Variants in RABGAP1 observed in about 807,000 individuals in gnomAD.
RABGAP1 encodes the protein rab GTPase-activating protein 1.
In RABGAP1, 23 loss-of-function variants were observed where a neutral mutation model predicts 137.6. The ratio of observed to expected loss-of-function variants is 0.17; its 90% CI spans 0.12 to 0.24. The LOEUF (loss-of-function observed/expected upper bound fraction) is 0.24. Ranked by LOEUF, RABGAP1 falls within the 10% of genes least tolerant of loss-of-function variation. RABGAP1 has a pLI of 1.00. For synonymous variants in RABGAP1, 451 were observed against 450.7 expected (o/e 1.00, Z -0.01); for missense variants, 906 against 1,275.8 (o/e 0.71, Z 4.42).
intron 25 of RABGAP1, among the ~76,000 whole-genome samples, chr9:123,102,708 G>A (rs1588421186): frequency 6.6e-6 from 1 of 152,244 alleles, no homozygotes; most frequent in African/African-American, 2.4e-5. Context: ...GTGGTGCTAA[G>A]GCTGGAAGAG....
chr9:123,091,744 A>AT (rs925079931), intron 21 of RABGAP1, among the ~76,000 whole-genome samples: 24 of 152,080 alleles, frequency 1.6e-4, no homozygotes, highest in Admixed American at 5.9e-4. Context: ...TGCAGGGAGA[A>AT]TGTTTCAAGG....
intron 1 of RABGAP1, among the ~76,000 whole-genome samples, chr9:122,955,005 T>C (rs1834434292): frequency 1.3e-5 from 2 of 152,276 alleles, no homozygotes; most frequent in Admixed American, 1.3e-4. Flanking sequence ...TAGGAACAGA[T>C]ATAAGGGCAA....
At chr9:122,993,444 G>A (rs1286753436) in intron 6 of RABGAP1, among the ~76,000 whole-genome samples, 1 of 152,024 alleles carries the variant, frequency 6.6e-6, no homozygotes, top group Non-Finnish European at 1.5e-5. Context: ...GCTACTTTTT[G>A]TACTTTTAGT....
chr9:123,075,495 A>C (rs1280224294), intron 17 of RABGAP1, among the ~76,000 whole-genome samples: 1 of 152,210 alleles, frequency 6.6e-6, no homozygotes, highest in East Asian at 1.9e-4. Flanking sequence ...AAACAGAAGA[A>C]ATAAATATTA....
chr9:122,986,837 G>A (rs1442451172), intron 4 of RABGAP1, among the ~76,000 whole-genome samples: 1 of 152,058 alleles, frequency 6.6e-6, no homozygotes, highest in Non-Finnish European at 1.5e-5. Context: ...TTTTTATGAT[G>A]AGAAAACTGG....
rs937151632 is a variant in RABGAP1 at position 123,103,717 on chromosome 9, T to C, written c.*504T>C. ...CAGCAGAAGGTCCCCCAGGTAGACATGGAGAAGCACTTTGTTTTAAATAGG... is the reference window on the plus strand; with the variant it reads ...CAGCAGAAGGTCCCCCAGGTAGACACGGAGAAGCACTTTGTTTTAAATAGG... On this transcript the variant is annotated 3_prime_UTR_variant, in exon 26 of 26. Coordinates refer to ENST00000373647, the MANE Select transcript of RABGAP1 (RefSeq NM_012197.4). 1.4e-5 allele frequency: 2 copies of C among 145,634 alleles called. No homozygotes were observed. The highest frequency in any genetic ancestry group is 2.5e-5 in the African/African-American group (1 of 39,850). The allele number at this position is 145,634 out of a possible 1,614,324, so 9.0% of individuals were successfully genotyped here. A position where few individuals can be genotyped will look rare whatever the true frequency, so the allele number is the denominator to read the frequency against.
intron 2 of RABGAP1, among the ~76,000 whole-genome samples, chr9:122,972,968 C>T (rs1311387949): frequency 1.5e-4 from 10 of 68,822 alleles, no homozygotes; most frequent in African/African-American, 5.2e-4. Flanking sequence ...GAGCCTATCT[C>T]TTTATATATT....
chr9:122,944,825 C>T (rs1358511240), intron 1 of RABGAP1, among the ~76,000 whole-genome samples: 1 of 151,972 alleles, frequency 6.6e-6, no homozygotes, highest in Non-Finnish European at 1.5e-5. Flanking sequence ...AATCCACCTG[C>T]CTCGGCCTCC....
intron 19 of RABGAP1, among the ~76,000 whole-genome samples, chr9:123,085,712 TC>T: frequency 1.3e-5 from 2 of 152,330 alleles, no homozygotes; most frequent in South Asian, 4.1e-4. Flanking sequence ...GTCTTGGACT[TC>T]TAAGTCTCTG....
At chr9:123,076,589 T>C (rs766204638) in intron 18 of RABGAP1, 45 bp from the exon 19 acceptor site, 3 of 1,560,440 alleles carry the variant, frequency 1.9e-6, no homozygotes, top group East Asian at 4.7e-5. Flanking sequence ...TTGTGCATCC[T>C]TATAGCAACA....
chr9:122,990,263 A>T (rs930126838), intron 6 of RABGAP1, 50 bp downstream of exon 6: 1 of 1,466,278 alleles, frequency 6.8e-7, no homozygotes. Context: ...GTTCAGGGGA[A>T]ATTCTAGGTC....
intron 12 of RABGAP1, 55 bp from the exon 13 acceptor site, chr9:123,020,254 C>G: frequency 4.5e-6 from 6 of 1,340,290 alleles, no homozygotes; most frequent in Non-Finnish European, 5.9e-6. Flanking sequence ...AAGTAACATT[C>G]TTTAGAGAAT....
chr9:123,056,328 G>C (rs948481564), intron 13 of RABGAP1, among the ~76,000 whole-genome samples: 4 of 152,192 alleles, frequency 2.6e-5, no homozygotes, highest in African/African-American at 9.7e-5. Context: ...ACTAGAAGGA[G>C]CATAGGACAA....
In RABGAP1 at chr9:123,101,585, A is replaced by G. The variant is rs544670759; in HGVS notation, c.2909A>G (p.Glu970Gly). 1.2e-6 allele frequency: 2 copies of G among 1,614,012 alleles called. No homozygotes were observed. The highest frequency in any genetic ancestry group is 1.1e-5 in the South Asian group (1 of 91,048). Residue 970 changes from glutamate (E) to glycine (G), a missense_variant, in exon 25 of 26, where the codon GAG (glutamate) becomes GGG (glycine). Physicochemically the swap from Glu to Gly is moderately conservative, Grantham distance 98. Around this residue, in one of 9 missense-constraint regions of RABGAP1, gnomAD observed 193 missense variants for 248.1 expected, o/e 0.78. Coordinates refer to ENST00000373647, the MANE Select transcript of RABGAP1 (RefSeq NM_012197.4). ...EKIRQKVDDC[E>G]RCREFFNKEG... ...TTTCAGCAAAAAGTGGATGACTGTGAGCGGTGCCGGGAATTTTTCAACAAA... is the reference window on the plus strand; with the variant it reads ...TTTCAGCAAAAAGTGGATGACTGTGGGCGGTGCCGGGAATTTTTCAACAAA...
At chr9:122,932,849 C>A in the RABGAP1 span, among the ~76,000 whole-genome samples, 1 of 152,118 alleles carries the variant, frequency 6.6e-6, no homozygotes, top group African/African-American at 2.4e-5. Flanking sequence ...CTTCTTTGAC[C>A]CAGTTGTTAA....
At chr9:123,042,155 C>T (rs567364901) in intron 13 of RABGAP1, among the ~76,000 whole-genome samples, 2 of 152,202 alleles carry the variant, frequency 1.3e-5, no homozygotes, top group Non-Finnish European at 2.9e-5. Context: ...ACTACACTCT[C>T]AGAATGTTCT....
rs764549147 is a variant in RABGAP1, at chr9:123,010,478, G to C, written c.1499G>C (p.Gly500Ala). 5 of 1,613,994 alleles carry C rather than the reference G, an allele frequency of 3.1e-6. No homozygotes were observed. The highest frequency in any genetic ancestry group is 4.2e-6 in the Non-Finnish European group (5 of 1,179,878). ...ASPSVRLPQS[G>A]SQSSVIPSPP... is the part of the protein sequence containing the mutation. ...CCTTCAGTTCGCCTGCCACAGTCTG[G>C]ATCGCAAAGTTCAGTGATACCTTCT... The change falls in exon 11 of 26, where the codon GGA (glycine) becomes GCA (alanine). Residue 500 changes from glycine to alanine, a missense_variant. Coordinates refer to ENST00000373647, the MANE Select transcript of RABGAP1 (RefSeq NM_012197.4).
Position 122,984,633 on chromosome 9 carries a change from T to C in RABGAP1, c.299T>C (p.Leu100Pro), listed in dbSNP as rs776893630. The C allele has an allele frequency of 5.6e-6, 9 of 1,613,990 alleles. No homozygotes were observed. The highest frequency in any genetic ancestry group is 1.3e-5 in the African/African-American group (1 of 74,900). Reference sequence around the variant, plus strand: ...GGAGATGGGCCTCTTTCTAATCAGCTCTCCGCTTCATCCACCATTAACCCT... The same window carrying C: ...GGAGATGGGCCTCTTTCTAATCAGCCCTCCGCTTCATCCACCATTAACCCT... ...GEGDGPLSNQ[L>P]SASSTINPVP... The change falls in exon 3 of 26, where the codon CTC (leucine) becomes CCC (proline). Residue 100 changes from leucine to proline, a missense_variant. By Grantham distance (98) the Leu-to-Pro change is moderately conservative (BLOSUM62 -3). Transcript: ENST00000373647.
In RABGAP1 at chr9:123,074,517, A is replaced by C. The variant is rs2034454780; in HGVS notation, c.2253+89A>C. On this transcript the variant is annotated intron_variant, in intron 17 of 25. Transcript: ENST00000373647. ...TGTTTTGAGTGTCAGCTCTGTCAAA[A>C]CAGAATTGGTCTCTTTAATTATTTT... 3 of 1,361,180 alleles carry C rather than the reference A, an allele frequency of 2.2e-6. No individual in the cohort carries two copies. In the East Asian group the frequency reaches 7.1e-5, roughly 32 times the overall value. 84.3% of individuals were successfully genotyped at this position (1,361,180 alleles called of 1,614,324 possible).
Sources: allele counts gnomAD v4.1 joint callset (sites outside exome capture counted in the v4.1 genomes callset), GRCh38; gene constraint gnomAD v4.1.1; regional missense constraint gnomAD v4.1.1; transcripts MANE v1.5; gene names NCBI Gene and HGNC (gene_info 2026-07-23, HGNC 2026-07-21).